ARHGAP42: variants seen among roughly 807,000 people sequenced by gnomAD.
ARHGAP42 encodes the protein Rho GTPase activating protein 42.
In ARHGAP42, 63 loss-of-function variants were observed where a neutral mutation model predicts 125.0. The ratio of observed to expected loss-of-function variants is 0.50; its 90% CI spans 0.41 to 0.62. ARHGAP42 has a LOEUF of 0.62. Ranked by LOEUF, ARHGAP42 falls within the 20% of genes least tolerant of loss-of-function variation. The pLI, the probability that ARHGAP42 is intolerant of heterozygous loss-of-function variation, is 0.00. For missense variants in ARHGAP42, 766 were observed against 1,024.2 expected, an observed-to-expected ratio of 0.75 and a Z score of 3.44; for synonymous variants, 339 against 351.0, an observed-to-expected ratio of 0.97 and a Z score of 0.38.
intron 3 of ARHGAP42, among the ~76,000 whole-genome samples, chr11:100,799,184 A>G (rs963480922): frequency 5.3e-5 from 8 of 152,216 alleles, no homozygotes; most frequent in African/African-American, 1.7e-4. Context: ...TTCAGGTGAT[A>G]TTACTTTGGT....
chr11:100,767,024 C>T (rs868617503), intron 1 of ARHGAP42, among the ~76,000 whole-genome samples: 6 of 152,278 alleles, frequency 3.9e-5, no homozygotes, highest in East Asian at 3.9e-4. Context: ...AATACTGTCA[C>T]GGCTTGATGG....
chr11:100,906,738 C>T (rs537667689), intron 4 of ARHGAP42, among the ~76,000 whole-genome samples: 1 of 152,138 alleles, frequency 6.6e-6, no homozygotes, highest in East Asian at 1.9e-4. Flanking sequence ...TAGCCCTCTT[C>T]CTTATTTACA....
At chr11:100,926,145 T>G (rs1453563572) in intron 6 of ARHGAP42, among the ~76,000 whole-genome samples, 1 of 152,196 alleles carries the variant, frequency 6.6e-6, no homozygotes, top group Non-Finnish European at 1.5e-5. Flanking sequence ...TGTAAACTTG[T>G]GTGTGTGTTG....
chr11:100,792,626 A>C (rs540185), intron 2 of ARHGAP42, among the ~76,000 whole-genome samples: 133,969 of 152,264 alleles, frequency 0.88, 59,327 homozygotes, highest in East Asian at 1. Context: ...TTGGCAAAAT[A>C]AGTTTTTCAT....
At chr11:100,879,726 C>T (rs1008518699) in intron 4 of ARHGAP42, among the ~76,000 whole-genome samples, 2 of 152,334 alleles carry the variant, frequency 1.3e-5, no homozygotes, top group Non-Finnish European at 2.9e-5. Context: ...TGTCCCTAAT[C>T]ACCACTGCCT....
intron 4 of ARHGAP42, among the ~76,000 whole-genome samples, chr11:100,879,308 T>A (rs981157618): frequency 2.0e-5 from 3 of 152,154 alleles, no homozygotes; most frequent in African/African-American, 7.2e-5. Flanking sequence ...ATCCTTGGTT[T>A]TTGAAGTACT....
chr11:100,871,557 AAAAAG>A (rs1865697128), intron 4 of ARHGAP42, among the ~76,000 whole-genome samples: 1 of 151,464 alleles, frequency 6.6e-6, no homozygotes, highest in African/African-American at 2.4e-5. Context: ...AAAAAAAAAA[AAAAAG>A]AAAAAAGAAA....
intron 1 of ARHGAP42, among the ~76,000 whole-genome samples, chr11:100,757,259 T>C (rs969251296): frequency 5.9e-5 from 9 of 152,116 alleles, no homozygotes; most frequent in African/African-American, 2.4e-5. Flanking sequence ...TTATTTAAGG[T>C]GGTATAGAAA....
intron 3 of ARHGAP42, among the ~76,000 whole-genome samples, chr11:100,833,221 T>C: frequency 6.6e-6 from 1 of 152,204 alleles, no homozygotes; most frequent in Non-Finnish European, 1.5e-5. Flanking sequence ...AGGACCAATT[T>C]GTTGCCTAAA....
chr11:100,789,623 C>G (rs1863518773), intron 2 of ARHGAP42, among the ~76,000 whole-genome samples: 1 of 152,156 alleles, frequency 6.6e-6, no homozygotes, highest in Non-Finnish European at 1.5e-5. Flanking sequence ...CGTGAGTGAT[C>G]ACCTAATGCG....
At chr11:100,914,948 T>A (rs1867025238) in intron 5 of ARHGAP42, among the ~76,000 whole-genome samples, 1 of 152,178 alleles carries the variant, frequency 6.6e-6, no homozygotes, top group African/African-American at 2.4e-5. Context: ...AACAGGCATA[T>A]GTTCTCATCG....
At chr11:100,957,535 T>G (rs503455) in intron 12 of ARHGAP42, among the ~76,000 whole-genome samples, 134,163 of 152,102 alleles carry the variant, frequency 0.88, 59,264 homozygotes, top group East Asian at 1. Context: ...AACAAAGCTG[T>G]GCACTAACTC....
intron 3 of ARHGAP42, among the ~76,000 whole-genome samples, chr11:100,821,491 C>G (rs568264824): frequency 6.6e-6 from 1 of 151,732 alleles, no homozygotes; most frequent in Non-Finnish European, 1.5e-5. Context: ...TTCAAAATGA[C>G]GAAAGAATCA....
chr11:100,849,210 A>G (rs1865144546), intron 3 of ARHGAP42, among the ~76,000 whole-genome samples: 2 of 149,796 alleles, frequency 1.3e-5, no homozygotes, highest in Non-Finnish European at 2.9e-5. Flanking sequence ...GAATTTGTCT[A>G]GTATTGACAT....
At chr11:100,808,819 G>T (rs1032519039) in intron 3 of ARHGAP42, among the ~76,000 whole-genome samples, 2 of 152,110 alleles carry the variant, frequency 1.3e-5, no homozygotes, top group African/African-American at 4.8e-5. Context: ...CATTTTACTT[G>T]TTATAATAGT....
intron 3 of ARHGAP42, chr11:100,816,896 A>G (rs1168208246): frequency 6.6e-6 from 1 of 152,206 alleles, no homozygotes. Flanking sequence ...GGGTCTGCTC[A>G]TGGCCTGATT....
intron 4 of ARHGAP42, among the ~76,000 whole-genome samples, chr11:100,860,886 C>T (rs570065085): frequency 2.8e-4 from 43 of 152,254 alleles, no homozygotes; most frequent in African/African-American, 9.6e-4. Flanking sequence ...TTAATTAATT[C>T]AGCAAATATT....
chr11:100,992,820 T>C lies in ARHGAP42; in HGVS notation c.*4019T>C. 2.5e-6 allele frequency: 3 copies of C among 1,195,384 alleles called. No homozygotes were observed. Among genetic ancestry groups the C allele is most frequent in the Non-Finnish European group, 3.5e-6 (3 of 854,258 alleles). The allele number at this position is 1,195,384 out of a possible 1,614,324, so 74.0% of individuals were successfully genotyped here. ...GTTGACAACATTCACAGTAAGCCAT[T>C]GGCAGAAAATTGATCTGCATGTCCT... On this transcript the variant is annotated 3_prime_UTR_variant, in exon 24 of 24. Transcript: ENST00000298815.
chr11:100,831,251 T>A (rs937174712), intron 3 of ARHGAP42, among the ~76,000 whole-genome samples: 1 of 152,116 alleles, frequency 6.6e-6, no homozygotes, highest in Non-Finnish European at 1.5e-5. Context: ...AAAGGGTAGC[T>A]CAGTTTACTG....
Sources: gnomAD v4.1 joint callset for allele counts (sites outside exome capture counted in the v4.1 genomes callset) on GRCh38, gnomAD v4.1.1 for gene constraint, MANE v1.5 for transcripts, NCBI Gene and HGNC (gene_info 2026-07-23, HGNC 2026-07-21) for gene names.